EIF3D: variants seen among roughly 807,000 people sequenced by gnomAD.
EIF3D encodes the protein eIF3 p66.
Under a neutral mutation model 75.4 loss-of-function variants are expected in EIF3D, and 10 were observed. The ratio of observed to expected loss-of-function variants is 0.13; its 90% CI spans 0.08 to 0.22. EIF3D has a LOEUF of 0.22. Among genes scored for constraint, EIF3D ranks in the 10% least tolerant of loss-of-function variants. The pLI, the probability that EIF3D is intolerant of heterozygous loss-of-function variation, is 1.00. For missense variants in EIF3D, 394 were observed against 708.0 expected, an observed-to-expected ratio of 0.56 and a Z score of 5.03; for synonymous variants, 246 against 248.3, an observed-to-expected ratio of 0.99 and a Z score of 0.09.
At chr22:36,526,489 T>C (rs1603499108) in intron 1 of EIF3D, among the ~76,000 whole-genome samples, 1 of 152,216 alleles carries the variant, frequency 6.6e-6, no homozygotes, top group South Asian at 2.1e-4. Context: ...TTTAATGGTG[T>C]CAGATTTGAT....
chr22:36,511,324 T>G (rs569333530), intron 14 of EIF3D, among the ~76,000 whole-genome samples, 179 bp downstream of exon 14: 1 of 152,268 alleles, frequency 6.6e-6, no homozygotes, highest in African/African-American at 2.4e-5. Context: ...CCCCAACCAC[T>G]TGATGTGATC....
rs755472102 is a variant in EIF3D, at chr22:36,516,767, G to A, written c.1014C>T (p.Pro338=). The change falls in exon 11 of 15, where the codon CCC becomes CCT. Residue 338 remains proline (P), a synonymous_variant. Transcript: ENST00000216190. ...CGTCCTCCACAAACGGGTTTGGGTT[G>A]GGGAAGTTGTATCTTTCCTTCCCCT... The part of the protein sequence containing the change: ...LRMGKERYNF[P]NPNPFVEDDM... 2 of 1,614,188 alleles carry A rather than the reference G, an allele frequency of 1.2e-6. No homozygotes were observed. Among genetic ancestry groups the A allele is most frequent in the Admixed American group, 1.7e-5 (1 of 60,024 alleles).
chr22:36,516,321 G>A (rs1934425748), intron 12 of EIF3D, 157 bp downstream of exon 12: 1 of 816,208 alleles, frequency 1.2e-6, no homozygotes, highest in African/African-American at 1.7e-5. Context: ...GAACTAAGCA[G>A]AGGAAAAAAC....
In EIF3D at chr22:36,517,480, C is replaced by T. The variant is rs757615856; in HGVS notation, c.860-49G>A. The T allele has an allele frequency of 7.0e-6, 11 of 1,575,912 alleles. No individual in the cohort carries two copies. In the East Asian group the frequency reaches 1.4e-4, roughly 19 times the overall value. On this transcript the variant is annotated intron_variant, in intron 9 of 14. Coordinates refer to ENST00000216190, the MANE Select transcript of EIF3D (RefSeq NM_003753.4). ...TCACCATGCAACAAAGAGTCACTGA[C>T]AATGTGCGCAGCGCTGTGGGGAGAT...
chr22:36,520,668 A>C lies in EIF3D; in HGVS notation c.486T>G (p.Val162=). The stretch of plus-strand genomic sequence containing the variant: ...TCACTTCCCAATCACTACGAACTTC[A>C]ACTGAAGAGTCTCGGGGTTTCTGCA... ...QKSQKPRDSS[V]EVRSDWEVKE... Residue 162 remains valine, a synonymous_variant, in exon 7 of 15, where the codon GTT becomes GTG. Transcript: ENST00000216190. 6.2e-7 allele frequency: 1 copy of C among 1,613,116 alleles called. No homozygotes were observed. The highest frequency in any genetic ancestry group is 8.5e-7 in the Non-Finnish European group (1 of 1,179,234).
chr22:36,510,896 G>A lies in EIF3D; in HGVS notation c.*91C>T, dbSNP rs41283213. ...ATATATTTTATTTCATCTGCTAAAT[G>A]TCAGAGAGCAAGTTAGACACACATT... On this transcript the variant is annotated 3_prime_UTR_variant, in exon 15 of 15. Transcript: ENST00000216190. 4.2e-3 allele frequency: 6,019 copies of A among 1,424,810 alleles called. 21 individuals carry two copies. The highest frequency in any genetic ancestry group is 4.7e-3 in the Non-Finnish European group (4,967 of 1,057,328). 88.3% of individuals were successfully genotyped at this position (1,424,810 alleles called of 1,614,324 possible). A position where few individuals can be genotyped will look rare whatever the true frequency, so the allele number is the denominator to read the frequency against.
chr22:36,515,251 G>A (rs71314991), intron 12 of EIF3D, among the ~76,000 whole-genome samples: 16,514 of 152,236 alleles, frequency 0.11, 988 homozygotes, highest in Middle Eastern at 0.27. Flanking sequence ...TTGTTAGGCC[G>A]GGTGCTGTGG....
rs746536790 is a variant in EIF3D, at chr22:36,516,569, A to G, written c.1115T>C (p.Ile372Thr). 6.8e-6 allele frequency: 11 copies of G among 1,614,060 alleles called. No individual in the cohort carries two copies. Among genetic ancestry groups the G allele is most frequent in the Middle Eastern group, 1.6e-4 (1 of 6,084 alleles). ...RWKLGDDIDL[I>T]VRCEHDGVMT... ...GACGCCATCGTGCTCACAACGGACAATAAGGTCAATATCATCTCCAAGCTT... is the reference window on the plus strand; with the variant it reads ...GACGCCATCGTGCTCACAACGGACAGTAAGGTCAATATCATCTCCAAGCTT... Residue 372 changes from isoleucine to threonine, a missense_variant, in exon 12 of 15, where the codon ATT becomes ACT. Transcript: ENST00000216190.
At chr22:36,511,823 C>A in intron 13 of EIF3D, 37 bp from the exon 14 acceptor site, 1 of 1,595,764 alleles carries the variant, frequency 6.3e-7, no homozygotes, top group Non-Finnish European at 8.6e-7. Flanking sequence ...CAGAGCAGGG[C>A]AGCACAGAGA....
rs1324137620 is a variant in EIF3D at position 36,512,560 on chromosome 22, G to A, written c.1249C>T (p.Arg417Ter). Residue 417 changes from arginine to a stop codon, truncating the protein, a stop_gained, in exon 13 of 15, where the codon CGA becomes TGA. Coordinates refer to ENST00000216190, the MANE Select transcript of EIF3D (RefSeq NM_003753.4). LOFTEE classifies it high-confidence loss of function. The part of the protein sequence containing the change: ...VDWRQKLDSQ[R>*]GAVIATELKN... ...AGCTCCGTGGCAATGACAGCCCCTC[G>A]CTGAGAGTCCAGCTTCTGACGCCAG... 6.2e-7 allele frequency: 1 copy of A among 1,613,994 alleles called. No homozygotes were observed. Among genetic ancestry groups the A allele is most frequent in the Non-Finnish European group, 8.5e-7 (1 of 1,180,014 alleles).
chr22:36,516,706 G>A lies in EIF3D; in HGVS notation c.1075C>T (p.Arg359Cys), dbSNP rs779180489. Residue 359 changes from arginine (R) to cysteine (C), a missense_variant and splice_region_variant, in exon 11 of 15, where the codon CGT (arginine) becomes TGT (cysteine). Transcript: ENST00000216190. The stretch of plus-strand genomic sequence containing the variant: ...ATACCCACCAGAGAGGTGACCTACC[G>A]GTACGCAACAGAGGCGATTTCATTC... ...DKNEIASVAYRYRRWKLGDDI... is the reference protein window; with the variant it reads ...DKNEIASVAYCYRRWKLGDDI... 4.3e-6 allele frequency: 7 copies of A among 1,614,084 alleles called. No individual in the cohort carries two copies. The highest frequency in any genetic ancestry group is 1.3e-5 in the African/African-American group (1 of 74,930).
At position 36,524,118 on chromosome 22, in the gene EIF3D, C is replaced by T. The variant is rs1047172160; in HGVS notation, c.307-138G>A. The T allele has an allele frequency of 7.6e-5, 64 of 844,520 alleles. No homozygotes were observed. In the East Asian group the frequency reaches 8.3e-4, roughly 11 times the overall value. 52.3% of individuals were successfully genotyped at this position (844,520 alleles called of 1,614,324 possible). On this transcript the variant is annotated intron_variant, in intron 4 of 14. Coordinates refer to ENST00000216190, the MANE Select transcript of EIF3D (RefSeq NM_003753.4). ...CATCTTACTCTGTGCTTTCACTCTA[C>T]GGCATCAACAGCTTGGGGGTGTTAG...
rs1351998298 is a variant in EIF3D at position 36,511,597 on chromosome 22, G to A, written c.1539C>T (p.Asn513=). The A allele has an allele frequency of 1.5e-5, 25 of 1,614,026 alleles. No homozygotes were observed. The highest frequency in any genetic ancestry group is 5.0e-5 in the Admixed American group (3 of 59,986). Residue 513 remains asparagine (N), a synonymous_variant, in exon 14 of 15, where the codon AAC becomes AAT. Transcript: ENST00000216190. ...EGKYLILKDP[N]KQVIRVYSLP... is the part of the protein sequence containing the mutation. ...GGCTGTAGACACGGATGACCTGCTT[G>A]TTGGGGTCCTTGAGGATGAGGTATT...
chr22:36,522,505 C>T (rs1433408147), intron 6 of EIF3D, among the ~76,000 whole-genome samples: 1 of 152,226 alleles, frequency 6.6e-6, no homozygotes, highest in Non-Finnish European at 1.5e-5. Context: ...TGTACCGACA[C>T]ATGCTACCAC....
chr22:36,518,960 C>A, intron 8 of EIF3D, 50 bp from the exon 9 acceptor site: 2 of 1,602,592 alleles, frequency 1.2e-6, no homozygotes, highest in Non-Finnish European at 1.7e-6. Flanking sequence ...CCAGGTCTCA[C>A]TGCCCACTCA....
At chr22:36,519,667 G>T in intron 7 of EIF3D, 130 bp from the exon 8 acceptor site, 1 of 1,285,702 alleles carries the variant, frequency 7.8e-7, no homozygotes, top group Non-Finnish European at 1.1e-6. Flanking sequence ...GCCAGAGCAG[G>T]AGAGACGAAT....
chr22:36,512,836 G>T (rs1934362032), intron 12 of EIF3D: 1 of 496,920 alleles, frequency 2.0e-6, no homozygotes, highest in South Asian at 2.4e-5. Flanking sequence ...CCTAGACAGG[G>T]AATGATGGAT....
At chr22:36,524,805 T>A in intron 3 of EIF3D, 73 bp from the exon 4 acceptor site, 1 of 1,597,674 alleles carries the variant, frequency 6.3e-7, no homozygotes, top group East Asian at 2.2e-5. Flanking sequence ...TCTAAAGCCT[T>A]GCTATTTCAA....
Position 36,525,995 on chromosome 22 carries a change from G to T in EIF3D, c.123+4C>A. The T allele has an allele frequency of 6.2e-7, 1 of 1,608,656 alleles. No individual in the cohort carries two copies. The highest frequency in any genetic ancestry group is 8.5e-7 in the Non-Finnish European group (1 of 1,177,132). On this transcript the variant is annotated splice_donor_region_variant and intron_variant, in intron 2 of 14. Transcript: ENST00000216190. ...GATTCAGACTCCTGCTGACAGGCAT[G>T]TACCTTTCCTAGCCGATCTCCTTTG...
Sources: allele counts gnomAD v4.1 joint callset (sites outside exome capture counted in the v4.1 genomes callset), GRCh38; gene constraint gnomAD v4.1.1; transcripts MANE v1.5; gene names NCBI Gene and HGNC (gene_info 2026-07-23, HGNC 2026-07-21).